EXOC4: variants seen among roughly 807,000 people sequenced by gnomAD.
The protein encoded by EXOC4 is SEC8-like 1.
In EXOC4, 71 loss-of-function variants were observed where a neutral mutation model predicts 107.2. The ratio of observed to expected loss-of-function variants is 0.66; its 90% CI spans 0.55 to 0.81. EXOC4 has a LOEUF of 0.81. EXOC4 is among the 30% of genes least tolerant of loss of function. The pLI is 0.00. For missense variants in EXOC4, 1,108 were observed against 1,189.6 expected, an observed-to-expected ratio of 0.93 and a Z score of 1.01; for synonymous variants, 456 against 441.2, an observed-to-expected ratio of 1.03 and a Z score of -0.42.
At chr7:133,680,419 C>A (rs1202641928) in intron 10 of EXOC4, among the ~76,000 whole-genome samples, 2 of 152,150 alleles carry the variant, frequency 1.3e-5, no homozygotes, top group African/African-American at 4.8e-5. Context: ...CATATTTGGT[C>A]TAATACATTC....
intron 17 of EXOC4, among the ~76,000 whole-genome samples, chr7:134,057,138 A>G (rs1271404194): frequency 6.6e-6 from 1 of 152,160 alleles, no homozygotes; most frequent in Non-Finnish European, 1.5e-5. Flanking sequence ...GACAAAGGGT[A>G]GGTGCGTGCA....
rs151218736 is a variant in EXOC4, at chr7:133,316,942, A to G, written c.657-342A>G. ...AAATTAATATTTAATACAGATACAA[A>G]GGAGGACAGTGAAATTGCCTGGCAT... On this transcript the variant is annotated intron_variant, in intron 4 of 17. Transcript: ENST00000253861. Among the ~76,000 whole-genome samples the G allele has an allele frequency of 7.2e-5, 11 of 152,364 alleles. No homozygotes were observed. In the East Asian group the frequency reaches 2.1e-3, roughly 29 times the overall value.
intron 10 of EXOC4, among the ~76,000 whole-genome samples, chr7:133,632,790 A>G (rs980869176): frequency 1.1e-4 from 17 of 151,794 alleles, no homozygotes; most frequent in African/African-American, 4.1e-4. Flanking sequence ...TCTTATTTTT[A>G]TGAGACTATG....
intron 11 of EXOC4, among the ~76,000 whole-genome samples, chr7:133,887,150 C>A (rs540581642): frequency 7.2e-5 from 11 of 152,168 alleles, no homozygotes; most frequent in African/African-American, 2.4e-4. Flanking sequence ...CAGAGGTGTT[C>A]GCAGTCATCC....
At chr7:133,474,338 C>T (rs568499911) in intron 7 of EXOC4, among the ~76,000 whole-genome samples, 18 of 152,120 alleles carry the variant, frequency 1.2e-4, no homozygotes, top group South Asian at 1.0e-3. Context: ...TTTTTTGAGA[C>T]GGAGTCTCAC....
intron 10 of EXOC4, among the ~76,000 whole-genome samples, chr7:133,813,835 A>G (rs1250694843): frequency 2.0e-5 from 3 of 152,082 alleles, no homozygotes; most frequent in African/African-American, 4.8e-5. Flanking sequence ...CTATATATAC[A>G]CCATCTTCAT....
At chr7:133,519,750 G>T (rs1268714271) in intron 9 of EXOC4, among the ~76,000 whole-genome samples, 1 of 152,182 alleles carries the variant, frequency 6.6e-6, no homozygotes, top group Non-Finnish European at 1.5e-5. Flanking sequence ...AAGTCAAGTT[G>T]TCCAGCCAGT....
chr7:133,984,803 A>G (rs1217535553), intron 14 of EXOC4, among the ~76,000 whole-genome samples: 7 of 152,180 alleles, frequency 4.6e-5, no homozygotes, highest in Admixed American at 4.6e-4. Flanking sequence ...CACATCTCCC[A>G]TTTGGTCCTC....
intron 9 of EXOC4, among the ~76,000 whole-genome samples, chr7:133,579,359 C>T (rs186596197): frequency 2.0e-5 from 3 of 152,232 alleles, no homozygotes; most frequent in Admixed American, 2.0e-4. Flanking sequence ...AAAATATTCT[C>T]TTCTTGTATA....
rs568154026 is a variant in EXOC4 at position 133,994,372 on chromosome 7, G to C, written c.2207-3120G>C. Among the ~76,000 whole-genome samples the C allele has an allele frequency of 4.6e-5, 7 of 152,136 alleles. No individual in the cohort carries two copies. In the South Asian group the frequency reaches 1.4e-3, roughly 32 times the overall value. On this transcript the variant is annotated intron_variant, in intron 14 of 17. Coordinates refer to ENST00000253861, the MANE Select transcript of EXOC4 (RefSeq NM_021807.4). ...TCGGGGGGAGGAGGGCAAGGGGAGG[G>C]AGAGCATTAAGACAAGTACCTAATG...
At chr7:134,100,090 A>T in the EXOC4 span, among the ~76,000 whole-genome samples, 1 of 152,162 alleles carries the variant, frequency 6.6e-6, no homozygotes, top group Non-Finnish European at 1.5e-5. Context: ...AACTTAAAAA[A>T]AATATGCATT....
At position 133,369,914 on chromosome 7, in the gene EXOC4, T is replaced by C. The variant is rs1168389879; in HGVS notation, c.1008-4914T>C. Among the ~76,000 whole-genome samples the C allele has an allele frequency of 2.7e-5, 4 of 149,092 alleles. No homozygotes were observed. The East Asian group carries it at 6.0e-4, about 22-fold the overall frequency. ...TTGCCTGCCGGGTTCAAGCGATTCT[T>C]CTGCCTCAGCCTCCCGAGTAGCTGG... On this transcript the variant is annotated intron_variant, in intron 6 of 17. Transcript: ENST00000253861.
intron 11 of EXOC4, among the ~76,000 whole-genome samples, chr7:133,886,510 G>GT (rs146214879): frequency 0.015 from 2,268 of 151,272 alleles, 65 homozygotes; most frequent in African/African-American, 0.053. Context: ...CCACAGCAAT[G>GT]TTTTTTTTTA....
intron 4 of EXOC4, 83 bp from the exon 5 acceptor site, chr7:133,317,201 A>G (rs1795008542): frequency 1.1e-5 from 10 of 898,056 alleles, no homozygotes; most frequent in Non-Finnish European, 1.8e-5. Context: ...GACAAAAACA[A>G]AAGTGGTAAG....
intron 12 of EXOC4, among the ~76,000 whole-genome samples, chr7:133,898,250 G>A (rs917840086): frequency 6.6e-6 from 1 of 151,904 alleles, no homozygotes; most frequent in African/African-American, 2.4e-5. Flanking sequence ...AACTTAAAAA[G>A]GGAAGGAGAA....
chr7:133,465,693 C>T (rs979873594), intron 7 of EXOC4, among the ~76,000 whole-genome samples: 1 of 152,106 alleles, frequency 6.6e-6, no homozygotes, highest in Non-Finnish European at 1.5e-5. Context: ...AAAGTATATC[C>T]TCTGACCGCA....
chr7:133,548,526 T>C (rs972159018), intron 9 of EXOC4, among the ~76,000 whole-genome samples: 3 of 152,220 alleles, frequency 2.0e-5, no homozygotes, highest in East Asian at 1.9e-4. Flanking sequence ...AAATCTGTTA[T>C]GTAGTGTAGC....
intron 12 of EXOC4, among the ~76,000 whole-genome samples, chr7:133,909,519 G>T (rs1314535478): frequency 6.6e-6 from 1 of 152,126 alleles, no homozygotes; most frequent in Non-Finnish European, 1.5e-5. Context: ...ATGGGAACTA[G>T]CTTGAATTCA....
chr7:133,826,543 C>CTATGG (rs1315751414), intron 11 of EXOC4, among the ~76,000 whole-genome samples: 2 of 152,080 alleles, frequency 1.3e-5, no homozygotes, highest in Non-Finnish European at 2.9e-5. Context: ...ATGAGAAGTA[C>CTATGG]TATGGTATCA....
Sources: gnomAD v4.1 joint callset for allele counts (sites outside exome capture counted in the v4.1 genomes callset) on GRCh38, gnomAD v4.1.1 for gene constraint, MANE v1.5 for transcripts, NCBI Gene and HGNC (gene_info 2026-07-23, HGNC 2026-07-21) for gene names.